Variants in VPS35L observed in about 807,000 individuals in gnomAD.
VPS35L encodes VPS35 endosomal protein-sorting factor-like.
VPS35L carries 83 observed loss-of-function variants against 133.0 expected under a neutral mutation model. That is an observed-to-expected ratio of 0.62 (90% confidence interval 0.52 to 0.75). VPS35L has a LOEUF of 0.75. Ranked by LOEUF, VPS35L falls within the 30% of genes least tolerant of loss-of-function variation. VPS35L has a pLI of 0.00. For synonymous variants in VPS35L, 423 were observed against 449.9 expected, an observed-to-expected ratio of 0.94 and a Z score of 0.76; for missense variants, 1,083 against 1,206.8, an observed-to-expected ratio of 0.90 and a Z score of 1.52.
In VPS35L at chr16:19,682,314, A is replaced by G; in HGVS notation, c.2451A>G (p.Lys817=). 6.2e-7 allele frequency: 1 copy of G among 1,612,392 alleles called. No individual in the cohort carries two copies. ...DYTWEDNSDE[K]IRIYTCVLHL... ...CCTGGGAGGACAACAGCGATGAGAA[A>G]ATCCGCATCTACACCTGCGTCCTGC... is the stretch of plus-strand genomic sequence containing the variant. The change falls in exon 28 of 31, where the codon AAA becomes AAG. Residue 817 remains lysine, a synonymous_variant. Transcript: ENST00000417362.
chr16:19,687,156 C>T (rs1302972253), intron 28 of VPS35L, among the ~76,000 whole-genome samples: 12 of 152,160 alleles, frequency 7.9e-5, no homozygotes, highest in Non-Finnish European at 1.8e-4. Context: ...AGGCCTTATT[C>T]AGTAGGTGTT....
intron 1 of VPS35L, among the ~76,000 whole-genome samples, chr16:19,559,074 A>G (rs1329023132): frequency 1.3e-5 from 2 of 152,202 alleles, no homozygotes; most frequent in Non-Finnish European, 2.9e-5. Context: ...CCAAAAACTT[A>G]TTTGAGAATT....
chr16:19,587,343 A>C (rs1971898926), intron 7 of VPS35L: 1 of 452,818 alleles, frequency 2.2e-6, no homozygotes, highest in Non-Finnish European at 4.4e-6. Flanking sequence ...AAATCAATTG[A>C]CCAAGGCTGG....
At chr16:19,660,373 G>C (rs938719741) in intron 26 of VPS35L, among the ~76,000 whole-genome samples, 4 of 151,616 alleles carry the variant, frequency 2.6e-5, no homozygotes, top group Non-Finnish European at 5.9e-5. Flanking sequence ...TCTATTCTTC[G>C]ATCTTCCTGG....
At chr16:19,595,671 G>T (rs1972191130) in intron 8 of VPS35L, among the ~76,000 whole-genome samples, 1 of 152,158 alleles carries the variant, frequency 6.6e-6, no homozygotes, top group Non-Finnish European at 1.5e-5. Context: ...AGAACTCTGG[G>T]CAGCCACTCT....
intron 26 of VPS35L, among the ~76,000 whole-genome samples, chr16:19,659,263 G>C (rs1161231133): frequency 1.3e-5 from 2 of 152,164 alleles, no homozygotes; most frequent in African/African-American, 4.8e-5. Flanking sequence ...TCATCCTGTA[G>C]TATCTCCGAG....
chr16:19,684,281 C>G (rs1975383690), intron 28 of VPS35L, among the ~76,000 whole-genome samples: 1 of 152,112 alleles, frequency 6.6e-6, no homozygotes. Flanking sequence ...CCTGGCGGAC[C>G]CTCAGTTCTA....
chr16:19,688,784 T>C (rs1408821427), intron 28 of VPS35L, among the ~76,000 whole-genome samples: 1 of 152,076 alleles, frequency 6.6e-6, no homozygotes, highest in Non-Finnish European at 1.5e-5. Flanking sequence ...GAGGATCCCA[T>C]GGAAAAGGTA....
intron 11 of VPS35L, 79 bp downstream of exon 11, chr16:19,609,100 A>G: frequency 8.2e-7 from 1 of 1,213,158 alleles, no homozygotes; most frequent in Non-Finnish European, 1.2e-6. Context: ...ATGGCAATGT[A>G]ATAGTAGCCA....
intron 27 of VPS35L, among the ~76,000 whole-genome samples, chr16:19,679,579 C>T (rs1239833462): frequency 2.6e-5 from 4 of 151,502 alleles, no homozygotes; most frequent in South Asian, 2.1e-4. Context: ...GATCTCTGCT[C>T]GCTCATCCTC....
rs1037888839 is a variant in VPS35L at position 19,699,438 on chromosome 16, A to T, written c.2647-64A>T. On this transcript the variant is annotated intron_variant, in intron 29 of 30. Transcript: ENST00000417362. This position sits in a 1 kb window ranked among gnomAD's most constrained non-coding sequence, Gnocchi z 4.2. Reference sequence around the variant, plus strand: ...CTACCCCAGAGTCAGCACTGTCCACAGCATCTCTGCGGGGCACGGCCTGAG... The same window carrying T: ...CTACCCCAGAGTCAGCACTGTCCACTGCATCTCTGCGGGGCACGGCCTGAG... 5.0e-6 allele frequency: 8 copies of T among 1,593,868 alleles called. No homozygotes were observed. The highest frequency in any genetic ancestry group is 3.4e-5 in the Admixed American group (2 of 58,702).
intron 28 of VPS35L, among the ~76,000 whole-genome samples, chr16:19,687,532 G>A (rs1266747034): frequency 2.0e-5 from 3 of 152,166 alleles, no homozygotes; most frequent in Non-Finnish European, 4.4e-5. Context: ...CTACCAACCT[G>A]GTGTCAGACG....
At chr16:19,679,504 TTTA>T in intron 27 of VPS35L, among the ~76,000 whole-genome samples, 1 of 144,772 alleles carries the variant, frequency 6.9e-6, no homozygotes, top group South Asian at 2.2e-4. Context: ...TATTTATTTA[TTTA>T]TTTATTTATT....
At chr16:19,570,924 C>T (rs1000087345) in intron 3 of VPS35L, among the ~76,000 whole-genome samples, 2 of 141,154 alleles carry the variant, frequency 1.4e-5, no homozygotes, top group African/African-American at 5.1e-5. Context: ...TCACCCGGGC[C>T]GGTGTGAAGT....
At chr16:19,679,519 T>A (rs149163359) in intron 27 of VPS35L, among the ~76,000 whole-genome samples, 160 of 117,864 alleles carry the variant, frequency 1.4e-3, no homozygotes, top group East Asian at 3.8e-3. Flanking sequence ...TTATTTATTT[T>A]TTTGGAGACA....
In VPS35L at chr16:19,682,525, GT is replaced by G. The variant is rs1349884832; in HGVS notation, c.2527+136del. 4.3e-5 allele frequency: 43 copies of G among 1,003,252 alleles called. No individual in the cohort carries two copies. The African/African-American group carries it at 6.9e-4, about 16-fold the overall frequency. 62.1% of individuals were successfully genotyped at this position (1,003,252 alleles called of 1,614,324 possible). ...TGAACTTCTAGTCCAGGGTCTCACT[GT>G]ATTTACCTGATCTAAGATTTACCTG... On this transcript the variant is annotated intron_variant, in intron 28 of 30. Coordinates refer to ENST00000417362, the MANE Select transcript of VPS35L (RefSeq NM_020314.7).
chr16:19,609,072 A>G (rs1597355739), intron 11 of VPS35L, 51 bp downstream of exon 11: 18 of 1,469,928 alleles, frequency 1.2e-5, no homozygotes, highest in Non-Finnish European at 1.7e-5. Flanking sequence ...AAAATCTCCC[A>G]TGTGTACACA....
At chr16:19,664,655 C>A (rs770887115) in intron 26 of VPS35L, among the ~76,000 whole-genome samples, 143 of 151,962 alleles carry the variant, frequency 9.4e-4, no homozygotes, top group Non-Finnish European at 1.4e-3. Flanking sequence ...AATCCCAGCA[C>A]TTTGGGAAGC....
At chr16:19,646,668 A>AG (rs974700560) in intron 23 of VPS35L, among the ~76,000 whole-genome samples, 3 of 68,944 alleles carry the variant, frequency 4.4e-5, no homozygotes, top group African/African-American at 1.4e-4. Flanking sequence ...CTGTCTTGGG[A>AG]AAAAAAAAAA....
Sources: gnomAD v4.1 joint callset for allele counts (sites outside exome capture counted in the v4.1 genomes callset) on GRCh38, gnomAD v4.1.1 for gene constraint, Gnocchi (gnomAD v3.1) non-coding constraint, MANE v1.5 for transcripts, NCBI Gene and HGNC (gene_info 2026-07-23, HGNC 2026-07-21) for gene names.